Variants in NHLH2 observed in about 807,000 individuals in gnomAD.
The protein encoded by NHLH2 is nescient helix-loop-helix 2.
In NHLH2, 7 loss-of-function variants were observed where a neutral mutation model predicts 7.3. That is an observed-to-expected ratio of 0.96 (90% CI 0.55 to 1.81). The LOEUF (loss-of-function observed/expected upper bound fraction) is 1.81, where lower values mean the gene tolerates loss of function less well. NHLH2 is among the 40% of genes most tolerant of loss of function. The pLI is 0.00. For missense variants in NHLH2, 155 were observed against 194.0 expected, an observed-to-expected ratio of 0.80 and a Z score of 1.19; for synonymous variants, 93 against 91.6, an observed-to-expected ratio of 1.01 and a Z score of -0.09.
At chr1:115,838,760 C>T (rs1461014339) in intron 2 of NHLH2, 1 of 218,760 alleles carries the variant, frequency 4.6e-6, no homozygotes, top group Non-Finnish European at 9.6e-6. Flanking sequence ...TCCTCCCTCC[C>T]TTCGTCCCCT....
At chr1:115,831,977 C>T (rs528424056), downstream of NHLH2, among the ~76,000 whole-genome samples, 34 of 152,024 alleles carry the variant, frequency 2.2e-4, no homozygotes, top group South Asian at 4.2e-4. Context: ...GGCAATTGCT[C>T]GTACACACAC....
intron 2 of NHLH2, chr1:115,839,064 G>A (rs1008533881): frequency 4.8e-5 from 8 of 167,242 alleles, no homozygotes; most frequent in Admixed American, 2.6e-4. Context: ...AAACAAACGT[G>A]GGGGAGCCTT....
At chr1:115,831,705 G>A (rs1325793423), downstream of NHLH2, among the ~76,000 whole-genome samples, 1 of 151,814 alleles carries the variant, frequency 6.6e-6, no homozygotes, top group Admixed American at 6.6e-5. Flanking sequence ...CGGATCACCT[G>A]AGGTCAGGAG....
Position 115,838,015 on chromosome 1 carries a change from G to T in NHLH2, c.358C>A (p.Arg120Ser), listed in dbSNP as rs1650928263. 11 of 1,610,524 alleles carry T rather than the reference G, an allele frequency of 6.8e-6. No individual in the cohort carries two copies. Among genetic ancestry groups the T allele is most frequent in the Non-Finnish European group, 8.5e-6 (10 of 1,178,608 alleles). Reference protein sequence around the residue: ...DKKLSKIEILRLAICYISYLN... With the variant: ...DKKLSKIEILSLAICYISYLN... ...TAGGAGATGTAGCAGATGGCCAGGC[G>T]CAGGATCTCGATCTTGGAGAGCTTC... Residue 120 changes from arginine (R) to serine (S), a missense_variant, in exon 3 of 3, where the codon CGC (arginine) becomes AGC (serine). Transcript: ENST00000320238.
downstream of NHLH2, among the ~76,000 whole-genome samples, chr1:115,831,387 C>T (rs1650747221): frequency 6.6e-6 from 1 of 152,172 alleles, no homozygotes; most frequent in Non-Finnish European, 1.5e-5. Context: ...TTCTCACTAC[C>T]CCTTAAGACT....
At chr1:115,835,096 TGCCCTTTGTCCAAATCCCTAAG>T (rs1233588285), downstream of NHLH2, among the ~76,000 whole-genome samples, 3 of 152,182 alleles carry the variant, frequency 2.0e-5, no homozygotes, top group Non-Finnish European at 4.4e-5. Context: ...GAAGGGATGC[TGCCCTTTGTCCAAATCCCTAAG>T]GCCCTTTGTC....
chr1:115,836,355 T>C (rs1375635312), downstream of NHLH2: 7 of 152,394 alleles, frequency 4.6e-5, no homozygotes, highest in African/African-American at 1.7e-4. Flanking sequence ...TTAGACAGTG[T>C]GCTTAAAATA....
At chr1:115,834,753 C>T (rs1214960524), downstream of NHLH2, among the ~76,000 whole-genome samples, 4 of 152,092 alleles carry the variant, frequency 2.6e-5, no homozygotes, top group Admixed American at 2.0e-4. Flanking sequence ...GGGGTTTTTT[C>T]GCTTCAGTGT....
chr1:115,834,918 T>C (rs1650832747), downstream of NHLH2, among the ~76,000 whole-genome samples: 1 of 152,184 alleles, frequency 6.6e-6, no homozygotes, highest in Non-Finnish European at 1.5e-5. Context: ...ACCTCATGGA[T>C]GGGCGAATAA....
intron 2 of NHLH2, chr1:115,839,090 C>T (rs1211866713): frequency 6.0e-6 from 1 of 167,270 alleles, no homozygotes; most frequent in East Asian, 1.9e-4. Context: ...AGAAAATTGA[C>T]TCCGATGCCC....
chr1:115,838,874 A>AC (rs1650967132), intron 2 of NHLH2: 1 of 167,462 alleles, frequency 6.0e-6, no homozygotes, highest in African/African-American at 2.4e-5. Flanking sequence ...CGGCGAAGCA[A>AC]CCCGGCAGCC....
chr1:115,838,491 C>A, intron 2 of NHLH2, 111 bp from the exon 3 acceptor site: 1 of 1,278,652 alleles, frequency 7.8e-7, no homozygotes. Context: ...CGGCCCGGGC[C>A]CCCTCCCCAC....
downstream of NHLH2, among the ~76,000 whole-genome samples, chr1:115,835,944 T>C (rs1004060818): frequency 6.6e-6 from 1 of 152,132 alleles, no homozygotes; most frequent in Admixed American, 6.5e-5. Flanking sequence ...TCTTAATAAG[T>C]GCCATGAGGA....
At chr1:115,832,018 T>A (rs770612331), downstream of NHLH2, among the ~76,000 whole-genome samples, 2 of 152,150 alleles carry the variant, frequency 1.3e-5, no homozygotes, top group Non-Finnish European at 2.9e-5. Context: ...CATCCCCCTC[T>A]GCCTGACCTA....
At chr1:115,832,794 T>C (rs1573105), downstream of NHLH2, among the ~76,000 whole-genome samples, 49,415 of 152,016 alleles carry the variant, frequency 0.33, 8,380 homozygotes, top group African/African-American at 0.43. Context: ...AGCTTTGTAA[T>C]GATACGTGTG....
chr1:115,831,600 G>T (rs1650752544), downstream of NHLH2, among the ~76,000 whole-genome samples: 2 of 152,094 alleles, frequency 1.3e-5, no homozygotes, highest in Admixed American at 1.3e-4. Context: ...CTTCCCTGAT[G>T]ACTTTTCCTT....
At chr1:115,831,434 C>CA (rs1650749683), downstream of NHLH2, among the ~76,000 whole-genome samples, 1 of 152,156 alleles carries the variant, frequency 6.6e-6, no homozygotes. Context: ...TCATTTCATC[C>CA]ATGAAGACAT....
intron 1 of NHLH2, 74 bp from the exon 2 acceptor site, chr1:115,840,618 G>A (rs1290085716): frequency 6.0e-6 from 1 of 166,872 alleles, no homozygotes; most frequent in African/African-American, 2.4e-5. Context: ...TTCTAATAGC[G>A]GAATAATCAA....
Position 115,837,692 on chromosome 1 carries a change from T to A in NHLH2, c.*273A>T. The A allele has an allele frequency of 6.5e-6, 3 of 459,838 alleles. 1 individual carries two copies. The highest frequency in any genetic ancestry group is 1.2e-5 in the Non-Finnish European group (3 of 260,832). 28.5% of individuals were successfully genotyped at this position (459,838 alleles called of 1,614,324 possible). Reference sequence around the variant, plus strand: ...CTTGGGGAGCCCCAGAAGTGGCTCATCTCGGGTGTCTCCACGAGGTTCTCC... The same window carrying A: ...CTTGGGGAGCCCCAGAAGTGGCTCAACTCGGGTGTCTCCACGAGGTTCTCC... On this transcript the variant is annotated 3_prime_UTR_variant, in exon 3 of 3. Coordinates refer to ENST00000320238, the MANE Select transcript of NHLH2 (RefSeq NM_005599.3).
Sources: allele counts gnomAD v4.1 joint callset (sites outside exome capture counted in the v4.1 genomes callset), GRCh38; gene constraint gnomAD v4.1.1; transcripts MANE v1.5; gene names NCBI Gene and HGNC (gene_info 2026-07-23, HGNC 2026-07-21).